The following ESRRG variants were observed in gnomAD, a reference collection of about 807,000 sequenced individuals.
The protein encoded by ESRRG is estrogen related receptor gamma, also known as estrogen-related receptor gamma.
A neutral mutation model predicts 44.0 loss-of-function variants in ESRRG; 13 were observed. The ratio of observed to expected loss-of-function variants is 0.30; its 90% confidence interval spans 0.19 to 0.47. ESRRG has a LOEUF of 0.47. ESRRG is among the 20% of genes least tolerant of loss of function. The pLI is 1.00. For missense variants in ESRRG, 395 were observed against 580.6 expected (o/e 0.68, Z 3.29); for synonymous variants, 215 against 214.6 (o/e 1.00, Z -0.02).
At chr1:216,665,635 T>C (rs1559105913) in intron 2 of ESRRG, among the ~76,000 whole-genome samples, 1 of 152,190 alleles carries the variant, frequency 6.6e-6, no homozygotes, top group Non-Finnish European at 1.5e-5. Flanking sequence ...ACCATGAGCA[T>C]ATAGTTAACA....
chr1:216,631,196 T>C (rs1314496769), intron 3 of ESRRG, among the ~76,000 whole-genome samples: 1 of 152,162 alleles, frequency 6.6e-6, no homozygotes, highest in Non-Finnish European at 1.5e-5. Flanking sequence ...GGAACTCAGA[T>C]TCTGTATGCA....
At chr1:217,037,285 T>C (rs1005249471) in intron 1 of ESRRG, among the ~76,000 whole-genome samples, 4 of 152,228 alleles carry the variant, frequency 2.6e-5, no homozygotes, top group African/African-American at 9.6e-5. Context: ...ATGAAAGACA[T>C]ACTGGAAACT....
At chr1:216,768,472 A>G (rs1335420289) in intron 2 of ESRRG, among the ~76,000 whole-genome samples, 2 of 149,016 alleles carry the variant, frequency 1.3e-5, no homozygotes, top group Admixed American at 6.8e-5. Flanking sequence ...CTATCTATCT[A>G]TCTATCTATC....
intron 1 of ESRRG, among the ~76,000 whole-genome samples, chr1:216,680,654 G>A (rs1337319712): frequency 2.0e-5 from 3 of 152,162 alleles, no homozygotes; most frequent in Non-Finnish European, 4.4e-5. Flanking sequence ...CAACACAGTT[G>A]TCTCCTAATT....
intron 1 of ESRRG, among the ~76,000 whole-genome samples, chr1:217,108,311 A>G (rs192701028): frequency 1.7e-4 from 26 of 152,128 alleles, no homozygotes; most frequent in Admixed American, 1.6e-3. Context: ...TTTCTCTACA[A>G]CTTGGATTCC....
At chr1:216,920,369 T>G (rs2061672864) in intron 2 of ESRRG, among the ~76,000 whole-genome samples, 1 of 145,458 alleles carries the variant, frequency 6.9e-6, no homozygotes, top group Non-Finnish European at 1.5e-5. Flanking sequence ...TCTAGTTGTG[T>G]GTGAATGTAT....
intron 2 of ESRRG, among the ~76,000 whole-genome samples, chr1:216,878,806 A>C (rs541516884): frequency 6.6e-6 from 1 of 152,372 alleles, no homozygotes; most frequent in East Asian, 1.9e-4. Flanking sequence ...ACTAAAAAAT[A>C]CTGCAAAAGT....
chr1:216,603,414 T>A (rs1180508119), intron 3 of ESRRG, among the ~76,000 whole-genome samples: 1 of 152,170 alleles, frequency 6.6e-6, no homozygotes, highest in African/African-American at 2.4e-5. Flanking sequence ...CCTTATCTGG[T>A]TTGACTTAGC....
intron 2 of ESRRG, among the ~76,000 whole-genome samples, chr1:216,759,585 T>C (rs986821635): frequency 1.3e-5 from 2 of 152,080 alleles, no homozygotes; most frequent in African/African-American, 4.8e-5. Flanking sequence ...AAGGCAGAAA[T>C]CAAAATCTGA....
Position 216,677,400 on chromosome 1 carries a change from T to A in ESRRG, c.148A>T (p.Thr50Ser), listed in dbSNP as rs1030492080. 38 of 1,613,964 alleles carry A rather than the reference T, an allele frequency of 2.4e-5. No homozygotes were observed. Among genetic ancestry groups the A allele is most frequent in the South Asian group, 5.5e-5 (5 of 91,086 alleles). ...GGGCTGTGGTGGTTGACGCTGTCCG[T>A]CAGGGAGGCTGGGCTGGAAGGTTCC... ...KTEPSSPASL[T>S]DSVNHHSPGG... The change falls in exon 2 of 7, where the codon ACG (threonine) becomes TCG (serine). Residue 50 changes from threonine to serine, a missense_variant. By Grantham distance (58) the Thr-to-Ser change is moderately conservative (BLOSUM62 1). This residue lies in a region of ESRRG where 148 missense variants were observed against 150.4 expected (regional missense o/e 0.98). Transcript: ENST00000408911.
intron 1 of ESRRG, among the ~76,000 whole-genome samples, chr1:216,680,784 T>C (rs6703796): frequency 0.21 from 32,034 of 152,214 alleles, 3,663 homozygotes; most frequent in Middle Eastern, 0.28. Flanking sequence ...ATTATTCAAG[T>C]CTGAAATATT....
chr1:216,758,761 C>T (rs1442369044), intron 2 of ESRRG, among the ~76,000 whole-genome samples: 1 of 151,868 alleles, frequency 6.6e-6, no homozygotes, highest in Non-Finnish European at 1.5e-5. Flanking sequence ...ATGATGGGTA[C>T]TTGGAAAGTC....
chr1:216,740,989 A>T (rs1575999461), intron 2 of ESRRG, among the ~76,000 whole-genome samples: 1 of 151,844 alleles, frequency 6.6e-6, no homozygotes, highest in East Asian at 1.9e-4. Flanking sequence ...TCTCAGATAA[A>T]TTTTTTAAAG....
chr1:216,853,990 CA>C (rs2095878448), intron 2 of ESRRG, among the ~76,000 whole-genome samples: 1 of 152,138 alleles, frequency 6.6e-6, no homozygotes, highest in African/African-American at 2.4e-5. Flanking sequence ...TGAGCCCAGA[CA>C]CAATGCCATC....
chr1:216,546,660 A>G (rs1301028778), intron 5 of ESRRG, among the ~76,000 whole-genome samples: 1 of 151,992 alleles, frequency 6.6e-6, no homozygotes. Context: ...TTGTCAGCCT[A>G]AGTTTTGGAG....
intron 5 of ESRRG, among the ~76,000 whole-genome samples, chr1:216,533,492 T>A (rs2050021290): frequency 6.6e-6 from 1 of 152,144 alleles, no homozygotes. Context: ...ATTTATTTAA[T>A]GTGTAGAGAT....
intron 1 of ESRRG, among the ~76,000 whole-genome samples, chr1:217,111,458 G>A (rs1366982359): frequency 6.6e-6 from 1 of 152,170 alleles, no homozygotes; most frequent in Admixed American, 6.5e-5. Context: ...CATTCTGACA[G>A]GGGTTCACAT....
chr1:216,730,700 A>G (rs2088596517), intron 2 of ESRRG, among the ~76,000 whole-genome samples: 2 of 152,212 alleles, frequency 1.3e-5, no homozygotes, highest in South Asian at 4.1e-4. Flanking sequence ...TGCCAAATTT[A>G]ATGAGATAAT....
chr1:216,849,496 C>A (rs1232285050), intron 2 of ESRRG, among the ~76,000 whole-genome samples: 1 of 152,060 alleles, frequency 6.6e-6, no homozygotes, highest in Non-Finnish European at 1.5e-5. Flanking sequence ...TTATCTTTTG[C>A]TGAACTCAGA....
Sources: allele counts gnomAD v4.1 joint callset (sites outside exome capture counted in the v4.1 genomes callset), GRCh38; gene constraint gnomAD v4.1.1; regional missense constraint gnomAD v4.1.1; transcripts MANE v1.5; gene names NCBI Gene and HGNC (gene_info 2026-07-23, HGNC 2026-07-21).